The following ZNF106 variants were observed in gnomAD, a reference collection of about 807,000 sequenced individuals.
The protein encoded by ZNF106 is SH3-domain binding protein 3.
ZNF106 carries 67 observed loss-of-function variants against 195.1 expected under a neutral mutation model. The ratio of observed to expected loss-of-function variants is 0.34; its 90% CI spans 0.28 to 0.42. The LOEUF is 0.42. ZNF106 is among the 10% of genes least tolerant of loss of function. ZNF106 has a pLI of 1.00. For missense variants in ZNF106, 2,118 were observed against 2,304.5 expected (o/e 0.92, Z 1.66); for synonymous variants, 784 against 818.6 (o/e 0.96, Z 0.72).
At chr15:42,468,158 C>G (rs1321000005) in intron 2 of ZNF106, among the ~76,000 whole-genome samples, 1 of 149,562 alleles carries the variant, frequency 6.7e-6, no homozygotes, top group Non-Finnish European at 1.5e-5. Flanking sequence ...TCACGACAAC[C>G]TCTGCCTCCA....
intron 9 of ZNF106, 150 bp downstream of exon 9, chr15:42,444,052 C>T: frequency 2.0e-6 from 1 of 508,970 alleles, no homozygotes; most frequent in Non-Finnish European, 3.3e-6. Flanking sequence ...GCAGAGGTTG[C>T]AGTGAGCAGA....
intron 1 of ZNF106, among the ~76,000 whole-genome samples, chr15:42,485,785 C>T (rs558984393): frequency 6.6e-6 from 1 of 152,158 alleles, no homozygotes; most frequent in Non-Finnish European, 1.5e-5. Context: ...CAATGTGGTA[C>T]GAAAGCACCC....
At chr15:42,456,748 G>A (rs2141377036) in intron 4 of ZNF106, among the ~76,000 whole-genome samples, 1 of 152,086 alleles carries the variant, frequency 6.6e-6, no homozygotes, top group South Asian at 2.1e-4. Flanking sequence ...TACAGCTTAT[G>A]TAGGAACAAT....
At chr15:42,456,069 CA>C (rs1320499256) in intron 4 of ZNF106, among the ~76,000 whole-genome samples, 2 of 151,848 alleles carry the variant, frequency 1.3e-5, no homozygotes, top group East Asian at 1.9e-4. Context: ...TGACACTTAT[CA>C]AAAAAAATTT....
chr15:42,463,669 A>G (rs1386537736), intron 3 of ZNF106, among the ~76,000 whole-genome samples: 1 of 152,140 alleles, frequency 6.6e-6, no homozygotes, highest in Non-Finnish European at 1.5e-5. Context: ...GTGTGGTGGC[A>G]CACGCCTGTA....
At chr15:42,465,979 A>G in intron 3 of ZNF106, 74 bp downstream of exon 3, 1 of 1,263,332 alleles carries the variant, frequency 7.9e-7, no homozygotes, top group Non-Finnish European at 1.1e-6. Flanking sequence ...TTACTGCAAA[A>G]CAAACTGACA....
rs745349566 is a variant in ZNF106, at chr15:42,451,496, T to C, written c.776A>G (p.Asn259Ser). 1.2e-6 allele frequency: 2 copies of C among 1,614,248 alleles called. No individual in the cohort carries two copies. Among genetic ancestry groups the C allele is most frequent in the South Asian group, 2.2e-5 (2 of 91,082 alleles). Residue 259 changes from asparagine to serine, a missense_variant, in exon 5 of 22, where the codon AAT becomes AGT. Coordinates refer to ENST00000564754, the MANE Select transcript of ZNF106 (RefSeq NM_001366845.3). The part of the protein sequence containing the change: ...KSSVRSTNNW[N>S]YSGPGDKFQP... ...AAATTTGTCTCCAGGGCCACTGTAA[T>C]TCCAATTATTTGTACTACGTACACT...
chr15:42,453,934 C>T (rs926296342), intron 4 of ZNF106, among the ~76,000 whole-genome samples: 8 of 152,142 alleles, frequency 5.3e-5, no homozygotes, highest in Non-Finnish European at 2.9e-5. Flanking sequence ...AGAGAGAATA[C>T]ATAACTTGCC....
intron 2 of ZNF106, among the ~76,000 whole-genome samples, chr15:42,469,931 C>T (rs1178622695): frequency 6.6e-6 from 1 of 151,228 alleles, no homozygotes; most frequent in Non-Finnish European, 1.5e-5. Context: ...AGGTAATAGC[C>T]CCAAATGCAT....
At chr15:42,433,460 T>G (rs2055137259) in intron 14 of ZNF106, among the ~76,000 whole-genome samples, 1 of 150,962 alleles carries the variant, frequency 6.6e-6, no homozygotes, top group African/African-American at 2.4e-5. Flanking sequence ...CTAAGCTCAA[T>G]TTCTTTGCAT....
chr15:42,471,988 T>A (rs1386743104), intron 2 of ZNF106, among the ~76,000 whole-genome samples: 2 of 152,230 alleles, frequency 1.3e-5, no homozygotes, highest in African/African-American at 4.8e-5. Context: ...GTCATCTAGT[T>A]TTGAATACGC....
At chr15:42,452,383 C>G (rs995860123) in intron 4 of ZNF106, among the ~76,000 whole-genome samples, 1 of 151,812 alleles carries the variant, frequency 6.6e-6, no homozygotes, top group Non-Finnish European at 1.5e-5. Flanking sequence ...ATTAGCCAGG[C>G]GTAGTGGAGC....
Position 42,422,570 on chromosome 15 carries a change from C to G in ZNF106, c.5304G>C (p.Val1768=), listed in dbSNP as rs1355900515. ...IYKGHNHAVT[V]VNILGKVMVT... ...CCATCACTTTTCCTAGGATATTCACCACAGTCACTGCATGATTGTGACCTT... is the reference window on the plus strand; with the variant it reads ...CCATCACTTTTCCTAGGATATTCACGACAGTCACTGCATGATTGTGACCTT... The change falls in exon 18 of 22, where the codon GTG becomes GTC. Residue 1768 remains valine, a synonymous_variant. Coordinates refer to ENST00000564754, the MANE Select transcript of ZNF106 (RefSeq NM_001366845.3). 1.5e-5 allele frequency: 25 copies of G among 1,613,658 alleles called. No homozygotes were observed. Among genetic ancestry groups the G allele is most frequent in the Non-Finnish European group, 2.0e-5 (24 of 1,179,946 alleles).
Position 42,414,300 on chromosome 15 carries a change from AAC to A in ZNF106, c.*3002_*3003del, listed in dbSNP as rs1369308908. 1.3e-5 allele frequency: 2 copies of A among 152,244 alleles called. No individual in the cohort carries two copies. The highest frequency in any genetic ancestry group is 1.9e-4 in the East Asian group (1 of 5,200). The allele number at this position is 152,244 out of a possible 1,614,324, so 9.4% of individuals were successfully genotyped here. The stretch of plus-strand genomic sequence containing the variant: ...AATTTTCAAGACTCTTGTAAGTAGT[AAC>A]ACACAGCCATAAGCAGCCAAAATGC... On this transcript the variant is annotated 3_prime_UTR_variant, in exon 22 of 22. Coordinates refer to ENST00000564754, the MANE Select transcript of ZNF106 (RefSeq NM_001366845.3).
At chr15:42,474,946 C>T (rs1337874601) in intron 1 of ZNF106, among the ~76,000 whole-genome samples, 2 of 152,180 alleles carry the variant, frequency 1.3e-5, no homozygotes, top group East Asian at 1.9e-4. Flanking sequence ...AATAGATCTG[C>T]TTCCTCATTT....
chr15:42,433,019 C>T (rs2055113177), intron 14 of ZNF106, among the ~76,000 whole-genome samples: 1 of 152,118 alleles, frequency 6.6e-6, no homozygotes, highest in Non-Finnish European at 1.5e-5. Context: ...AAATTTAGGT[C>T]TCCAATTTGC....
chr15:42,471,620 A>G (rs2056670033), intron 2 of ZNF106, among the ~76,000 whole-genome samples: 1 of 152,182 alleles, frequency 6.6e-6, no homozygotes, highest in African/African-American at 2.4e-5. Context: ...AATCCCAGTT[A>G]CTTGGGAGGC....
In ZNF106 at chr15:42,481,353, TG is replaced by T. The variant is rs758522129; in HGVS notation, c.-32-9033del. ...TTCATATTCTTTCTGTTTTTTTTTTTGTTGTTTTTTTTTTTTTTTTTTGAGA... is the reference window on the plus strand; with the variant it reads ...TTCATATTCTTTCTGTTTTTTTTTTTTTGTTTTTTTTTTTTTTTTTTGAGA... On this transcript the variant is annotated intron_variant, in intron 1 of 21. Coordinates refer to ENST00000564754, the MANE Select transcript of ZNF106 (RefSeq NM_001366845.3). Among the ~76,000 whole-genome samples, 292 of 125,452 alleles carry T rather than the reference TG, an allele frequency of 2.3e-3. 2 individuals carry two copies. The highest frequency in any genetic ancestry group is 9.9e-3 in the African/African-American group (228 of 22,966). The allele number at this position is 125,452 out of a possible 152,430, so 82.3% of individuals were successfully genotyped here.
At chr15:42,446,386 GC>G (rs773383670) in intron 7 of ZNF106, among the ~76,000 whole-genome samples, 1 of 152,124 alleles carries the variant, frequency 6.6e-6, no homozygotes, top group Non-Finnish European at 1.5e-5. Context: ...TTTGAGTCCA[GC>G]CTGGGCAATA....
Sources: allele counts gnomAD v4.1 joint callset (sites outside exome capture counted in the v4.1 genomes callset), GRCh38; gene constraint gnomAD v4.1.1; transcripts MANE v1.5; gene names NCBI Gene and HGNC (gene_info 2026-07-23, HGNC 2026-07-21).